ARAP2: variants seen among roughly 807,000 people sequenced by gnomAD.
ARAP2 encodes ArfGAP with RhoGAP domain, ankyrin repeat and PH domain 2, also known as arf-GAP with Rho-GAP domain, ANK repeat and PH domain-containing protein 2.
ARAP2 carries 148 observed loss-of-function variants against 194.5 expected under a neutral mutation model. The ratio of observed to expected loss-of-function variants is 0.76; its 90% confidence interval spans 0.67 to 0.87. ARAP2 has a LOEUF of 0.87. Ranked by LOEUF, ARAP2 falls within the 40% of genes least tolerant of loss-of-function variation. ARAP2 has a pLI of 0.00. For synonymous variants in ARAP2, 695 were observed against 683.5 expected, an observed-to-expected ratio of 1.02 and a Z score of -0.26; for missense variants, 2,128 against 1,989.7, an observed-to-expected ratio of 1.07 and a Z score of -1.32.
intron 27 of ARAP2, among the ~76,000 whole-genome samples, chr4:36,102,611 A>G (rs1479625108): frequency 1.3e-5 from 2 of 152,000 alleles, no homozygotes; most frequent in East Asian, 1.9e-4. Flanking sequence ...GATGTCTACA[A>G]TTACCCAGTT....
chr4:36,107,896 A>G (rs892556861), intron 26 of ARAP2, among the ~76,000 whole-genome samples: 3 of 152,004 alleles, frequency 2.0e-5, no homozygotes, highest in Non-Finnish European at 2.9e-5. Context: ...TAAGCACATA[A>G]TAACATTTAC....
intron 13 of ARAP2, 193 bp from the exon 14 acceptor site, chr4:36,159,698 A>G: frequency 2.4e-6 from 1 of 413,192 alleles, no homozygotes. Flanking sequence ...TTAAATTACA[A>G]CCCAAGACCT....
chr4:36,214,671 G>T (rs1207381300), intron 2 of ARAP2, among the ~76,000 whole-genome samples, 191 bp from the exon 3 acceptor site: 1 of 151,998 alleles, frequency 6.6e-6, no homozygotes, highest in African/African-American at 2.4e-5. Flanking sequence ...CTTGAAAAAA[G>T]CTGAACAGCC....
Position 36,214,493 on chromosome 4 carries a change from A to G in ARAP2, c.906-13T>C. ...TTCACGGAAATAGCTTAAAAAGCAA[A>G]GGAGAAAATACTTATGAGTGAAAAT... On this transcript the variant is annotated splice_polypyrimidine_tract_variant and intron_variant, in intron 2 of 32. Coordinates refer to ENST00000303965, the MANE Select transcript of ARAP2 (RefSeq NM_015230.4). The G allele has an allele frequency of 6.3e-7, 1 of 1,579,964 alleles. No homozygotes were observed. Among genetic ancestry groups the G allele is most frequent in the East Asian group, 2.3e-5 (1 of 43,852 alleles).
chr4:36,152,514 T>C (rs2136804), intron 15 of ARAP2, among the ~76,000 whole-genome samples: 289 of 152,260 alleles, frequency 1.9e-3, no homozygotes, highest in African/African-American at 6.6e-3. Context: ...ATTCAGTACA[T>C]AGATAATCAC....
At chr4:36,200,797 T>C (rs1440939494) in intron 6 of ARAP2, among the ~76,000 whole-genome samples, 3 of 152,236 alleles carry the variant, frequency 2.0e-5, no homozygotes. Flanking sequence ...ACTAATTTCA[T>C]TGTAATTACA....
Position 36,161,485 on chromosome 4 carries a change from A to G in ARAP2, c.2239T>C (p.Trp747Arg). Residue 747 changes from tryptophan (W) to arginine (R), a missense_variant, in exon 12 of 33, where the codon TGG (tryptophan) becomes CGG (arginine). Transcript: ENST00000303965. Reference protein sequence around the residue: ...VRSLKMDASIWSNELIELFIV... With the variant: ...VRSLKMDASIRSNELIELFIV... ...CTCACCTCGATGAGTTCATTGCTCC[A>G]AATGCTAGCATCCATTTTTAGACTT... The G allele has an allele frequency of 6.2e-7, 1 of 1,613,974 alleles. No homozygotes were observed. Among genetic ancestry groups the G allele is most frequent in the Middle Eastern group, 1.6e-4 (1 of 6,062 alleles).
chr4:36,016,804 G>A (rs762446123), intron 6 of ARAP2, among the ~76,000 whole-genome samples: 1 of 152,132 alleles, frequency 6.6e-6, no homozygotes, highest in Non-Finnish European at 1.5e-5. Context: ...CAATTTGAAT[G>A]ACTTGGATGC....
intron 8 of ARAP2, chr4:36,015,251 C>T (rs1715574532): frequency 6.6e-6 from 1 of 152,070 alleles, no homozygotes; most frequent in South Asian, 2.1e-4. Flanking sequence ...TGATGAATAA[C>T]CTGTTCATAG....
intron 7 of ARAP2, among the ~76,000 whole-genome samples, chr4:36,191,796 C>T (rs1266832818): frequency 6.6e-6 from 1 of 151,958 alleles, no homozygotes; most frequent in Non-Finnish European, 1.5e-5. Flanking sequence ...GGCAATTCTG[C>T]CCACAGCTGG....
At chr4:36,014,358 GAA>G (rs1478262805) in intron 8 of ARAP2, among the ~76,000 whole-genome samples, 3 of 140,332 alleles carry the variant, frequency 2.1e-5, no homozygotes, top group African/African-American at 9.4e-5. Flanking sequence ...AAGAAAGAAA[GAA>G]AGAAAGAAAG....
intron 31 of ARAP2, among the ~76,000 whole-genome samples, chr4:36,075,424 C>A (rs891977270): frequency 6.6e-6 from 1 of 152,100 alleles, no homozygotes; most frequent in African/African-American, 2.4e-5. Flanking sequence ...CAGCACGGAT[C>A]ATATAGGTGA....
intron 26 of ARAP2, among the ~76,000 whole-genome samples, chr4:36,110,918 T>C (rs981766246): frequency 1.3e-4 from 20 of 151,970 alleles, no homozygotes; most frequent in Non-Finnish European, 2.5e-4. Flanking sequence ...TTCAGGCATA[T>C]AGGAGTTTCC....
chr4:36,026,483 T>C (rs1449635239), intron 5 of ARAP2, among the ~76,000 whole-genome samples: 2 of 152,148 alleles, frequency 1.3e-5, no homozygotes, highest in Non-Finnish European at 2.9e-5. Context: ...CATTGTTGAT[T>C]GGATGTCATT....
chr4:36,219,857 T>A (rs541364123), intron 2 of ARAP2, among the ~76,000 whole-genome samples: 1 of 152,166 alleles, frequency 6.6e-6, no homozygotes, highest in African/African-American at 2.4e-5. Context: ...GGCACAAACA[T>A]GAATGTTTCT....
chr4:36,199,299 A>G (rs1743863417), intron 6 of ARAP2, among the ~76,000 whole-genome samples: 1 of 152,216 alleles, frequency 6.6e-6, no homozygotes, highest in Admixed American at 6.5e-5. Flanking sequence ...GAATTAAAAA[A>G]AATTTTTTTT....
At chr4:36,022,229 G>T (rs1248756997) in intron 5 of ARAP2, among the ~76,000 whole-genome samples, 1 of 152,136 alleles carries the variant, frequency 6.6e-6, no homozygotes, top group Non-Finnish European at 1.5e-5. Flanking sequence ...CTGCAATTGG[G>T]ATTACAATTA....
At chr4:36,156,407 GAA>G (rs1232210818) in intron 15 of ARAP2, among the ~76,000 whole-genome samples, 66 of 5,776 alleles carry the variant, frequency 0.011, 9 homozygotes, top group Middle Eastern at 0.17. Flanking sequence ...AAGAAAGAAA[GAA>G]AGAAAGAAAG....
intron 19 of ARAP2, 131 bp from the exon 20 acceptor site, chr4:36,133,520 C>T (rs1725944720): frequency 2.5e-6 from 2 of 788,050 alleles, no homozygotes; most frequent in Admixed American, 5.7e-5. Flanking sequence ...CCACCACGAG[C>T]TTCCACTCAA....
Sources: allele counts gnomAD v4.1 joint callset (sites outside exome capture counted in the v4.1 genomes callset), GRCh38; gene constraint gnomAD v4.1.1; transcripts MANE v1.5; gene names NCBI Gene and HGNC (gene_info 2026-07-23, HGNC 2026-07-21).